TFPI: variants seen among roughly 807,000 people sequenced by gnomAD.
TFPI encodes the protein tissue factor pathway inhibitor, also known as anti-convertin.
A neutral mutation model predicts 34.6 loss-of-function variants in TFPI; 15 were observed. The ratio of observed to expected loss-of-function variants is 0.43; its 90% confidence interval spans 0.29 to 0.67. TFPI has a LOEUF of 0.67. Among genes scored for constraint, TFPI ranks in the 30% least tolerant of loss-of-function variants. The pLI is 0.15. For missense variants in TFPI, 301 were observed against 364.0 expected, an observed-to-expected ratio of 0.83 and a Z score of 1.41; for synonymous variants, 105 against 120.1, an observed-to-expected ratio of 0.87 and a Z score of 0.82.
intron 1 of TFPI, among the ~76,000 whole-genome samples, chr2:187,506,540 A>C (rs538070237): frequency 6.6e-6 from 1 of 152,138 alleles, no homozygotes; most frequent in Non-Finnish European, 1.5e-5. Context: ...TGTTCTAGCA[A>C]CCCATCCAGA....
rs1011528980 is a variant in TFPI, at chr2:187,484,031, A to G, written c.628+93T>C. The stretch of plus-strand genomic sequence containing the variant: ...ATTAAGCAACAACGCAGGTATATAT[A>G]TATATTTAAAGACATACTTCTAATA... On this transcript the variant is annotated intron_variant, in intron 6 of 7. Coordinates refer to ENST00000233156, the MANE Select transcript of TFPI (RefSeq NM_006287.6). 8 of 954,416 alleles carry G rather than the reference A, an allele frequency of 8.4e-6. No homozygotes were observed. In the South Asian group the frequency reaches 1.2e-4, roughly 14 times the overall value. 59.1% of individuals were successfully genotyped at this position (954,416 alleles called of 1,614,324 possible).
chr2:187,544,639 T>G (rs1688760342), intron 1 of TFPI: 1 of 46,096 alleles, frequency 2.2e-5, no homozygotes, highest in Non-Finnish European at 4.1e-5. Flanking sequence ...AGACTTCATC[T>G]GGAAAAAAAA....
intron 3 of TFPI, among the ~76,000 whole-genome samples, chr2:187,494,925 A>G (rs571014452): frequency 6.6e-6 from 1 of 152,032 alleles, no homozygotes; most frequent in East Asian, 1.9e-4. Context: ...GTTTCACCAT[A>G]TTGGTGAGGC....
intron 1 of TFPI, among the ~76,000 whole-genome samples, chr2:187,545,196 A>G (rs1273963845): frequency 6.6e-6 from 1 of 152,196 alleles, no homozygotes; most frequent in Non-Finnish European, 1.5e-5. Flanking sequence ...AAAGGAGGGA[A>G]GTCTCTTCCA....
intron 3 of TFPI, among the ~76,000 whole-genome samples, chr2:187,489,290 T>C (rs996725106): frequency 7.3e-5 from 11 of 151,428 alleles, no homozygotes; most frequent in African/African-American, 2.7e-4. Flanking sequence ...AATTCTTCTA[T>C]GGAGAGTAAA....
chr2:187,496,645 G>C (rs540839292), intron 3 of TFPI, among the ~76,000 whole-genome samples: 1 of 151,888 alleles, frequency 6.6e-6, no homozygotes, highest in Non-Finnish European at 1.5e-5. Flanking sequence ...AATGTCTCTC[G>C]GGCATATAGA....
intron 1 of TFPI, among the ~76,000 whole-genome samples, chr2:187,551,211 A>C (rs1171467762): frequency 6.6e-6 from 1 of 152,182 alleles, no homozygotes; most frequent in Non-Finnish European, 1.5e-5. Flanking sequence ...AAGTCTACAC[A>C]GAGACCTGTG....
intron 4 of TFPI, 25 bp downstream of exon 4, chr2:187,488,312 A>G: frequency 6.5e-7 from 1 of 1,548,564 alleles, no homozygotes; most frequent in South Asian, 1.3e-5. Flanking sequence ...AAATGCTTCA[A>G]ATTTACAGAC....
At chr2:187,485,054 A>AT (rs1328344160) in intron 4 of TFPI, 67 bp from the exon 5 acceptor site, 5 of 1,193,624 alleles carry the variant, frequency 4.2e-6, no homozygotes, top group Non-Finnish European at 4.4e-6. Context: ...TTTTAATAAA[A>AT]TTTATAAATA....
chr2:187,476,870 T>G (rs955103538), intron 6 of TFPI, among the ~76,000 whole-genome samples: 1 of 152,152 alleles, frequency 6.6e-6, no homozygotes, highest in African/African-American at 2.4e-5. Flanking sequence ...TATTTATTAG[T>G]TTGTAGCTTG....
intron 1 of TFPI, among the ~76,000 whole-genome samples, chr2:187,512,534 C>G (rs1307899134): frequency 2.0e-5 from 3 of 147,376 alleles, no homozygotes; most frequent in African/African-American, 7.4e-5. Context: ...AAAAAAAAAG[C>G]CATCTATACC....
intron 6 of TFPI, chr2:187,478,623 C>T: frequency 6.3e-7 from 1 of 1,580,996 alleles, no homozygotes; most frequent in African/African-American, 1.4e-5. Flanking sequence ...AGTATGCTAT[C>T]AAAGGCATCA....
chr2:187,540,589 TA>T (rs1553538416), intron 1 of TFPI, among the ~76,000 whole-genome samples: 1 of 152,042 alleles, frequency 6.6e-6, no homozygotes, highest in Non-Finnish European at 1.5e-5. Context: ...TACATTTTCT[TA>T]AAAGAAAATA....
At chr2:187,474,655 A>G (rs1436209011) in intron 6 of TFPI, among the ~76,000 whole-genome samples, 1 of 152,178 alleles carries the variant, frequency 6.6e-6, no homozygotes, top group Admixed American at 6.5e-5. Context: ...GGGAGTAGCT[A>G]AAATTAAGCA....
At chr2:187,543,901 T>C (rs1224099778) in intron 1 of TFPI, among the ~76,000 whole-genome samples, 2 of 152,204 alleles carry the variant, frequency 1.3e-5, no homozygotes, top group African/African-American at 4.8e-5. Flanking sequence ...TTACTGAAGC[T>C]GCAATCTTGT....
intron 1 of TFPI, among the ~76,000 whole-genome samples, chr2:187,530,217 G>A (rs1687891863): frequency 6.6e-6 from 1 of 152,116 alleles, no homozygotes; most frequent in Non-Finnish European, 1.5e-5. Context: ...GTCAATTCTT[G>A]TAACCTGAAA....
chr2:187,481,094 G>C (rs1692822642), intron 6 of TFPI, among the ~76,000 whole-genome samples: 2 of 151,634 alleles, frequency 1.3e-5, no homozygotes, highest in Admixed American at 1.3e-4. Flanking sequence ...AATAATAATT[G>C]AATTTTAGAA....
chr2:187,545,978 G>C (rs1254881082), intron 1 of TFPI, among the ~76,000 whole-genome samples: 1 of 151,944 alleles, frequency 6.6e-6, no homozygotes, highest in Non-Finnish European at 1.5e-5. Flanking sequence ...AAGGGGGAAG[G>C]GGGAGAAGAG....
At chr2:187,521,001 T>C (rs1245607280) in intron 1 of TFPI, among the ~76,000 whole-genome samples, 1 of 152,018 alleles carries the variant, frequency 6.6e-6, no homozygotes, top group African/African-American at 2.4e-5. Context: ...GTATATTTTA[T>C]GCCCCACTCT....
Sources: allele counts gnomAD v4.1 joint callset (sites outside exome capture counted in the v4.1 genomes callset), GRCh38; gene constraint gnomAD v4.1.1; transcripts MANE v1.5; gene names NCBI Gene and HGNC (gene_info 2026-07-23, HGNC 2026-07-21).